The following TTC7B variants were observed in gnomAD, a reference collection of about 807,000 sequenced individuals.
TTC7B encodes tetratricopeptide repeat protein 7B.
A neutral mutation model predicts 106.8 loss-of-function variants in TTC7B; 28 were observed. That is an observed-to-expected ratio of 0.26 (90% confidence interval 0.19 to 0.36). The LOEUF (loss-of-function observed/expected upper bound fraction) is 0.36. Ranked by LOEUF, TTC7B falls within the 10% of genes least tolerant of loss-of-function variation. TTC7B has a pLI of 1.00. For missense variants in TTC7B, 862 were observed against 1,076.4 expected, an observed-to-expected ratio of 0.80 and a Z score of 2.79; for synonymous variants, 405 against 430.6, an observed-to-expected ratio of 0.94 and a Z score of 0.74.
At position 90,618,755 on chromosome 14, in the gene TTC7B, C is replaced by T. The variant is rs1187012574; in HGVS notation, c.1752-710G>A. Among the ~76,000 whole-genome samples the T allele has an allele frequency of 2.6e-5, 4 of 152,250 alleles. No individual in the cohort carries two copies. In the East Asian group the frequency reaches 7.7e-4, roughly 29 times the overall value. On this transcript the variant is annotated intron_variant, in intron 15 of 19. Coordinates refer to ENST00000328459, the MANE Select transcript of TTC7B (RefSeq NM_001010854.2). ...CTTATGTTTCTCTGCCGACATCAGCCTAGGTACCTGTAGACATCAGCTCTC... is the reference window on the plus strand; with the variant it reads ...CTTATGTTTCTCTGCCGACATCAGCTTAGGTACCTGTAGACATCAGCTCTC...
At chr14:90,765,216 T>C (rs1358540120) in intron 3 of TTC7B, among the ~76,000 whole-genome samples, 1 of 152,176 alleles carries the variant, frequency 6.6e-6, no homozygotes, top group Non-Finnish European at 1.5e-5. Flanking sequence ...AAAAGTCAAG[T>C]GCATGATTTC....
intron 17 of TTC7B, among the ~76,000 whole-genome samples, chr14:90,607,511 G>A (rs1892693874): frequency 6.6e-6 from 1 of 152,246 alleles, no homozygotes; most frequent in Non-Finnish European, 1.5e-5. Flanking sequence ...GTTTCACTGG[G>A]AACCATTCTG....
chr14:90,632,891 C>T (rs576885005), intron 15 of TTC7B, among the ~76,000 whole-genome samples: 2 of 152,124 alleles, frequency 1.3e-5, no homozygotes, highest in Non-Finnish European at 2.9e-5. Context: ...TGTCACAATG[C>T]GGGGTATAAA....
intron 19 of TTC7B, among the ~76,000 whole-genome samples, chr14:90,557,509 A>G (rs1890367804): frequency 6.6e-6 from 1 of 152,248 alleles, no homozygotes; most frequent in African/African-American, 2.4e-5. Flanking sequence ...AGCACCTACT[A>G]TATCCTTAGT....
At chr14:90,737,603 G>T (rs1889593589) in intron 4 of TTC7B, among the ~76,000 whole-genome samples, 2 of 142,366 alleles carry the variant, frequency 1.4e-5, no homozygotes, top group Non-Finnish European at 3.0e-5. Flanking sequence ...ACCCAGGCTG[G>T]AGTGCAGTGG....
rs200237824 is a variant in TTC7B, at chr14:90,695,516, G to T, written c.761C>A (p.Thr254Asn). Residue 254 changes from threonine (T) to asparagine (N), a missense_variant, in exon 6 of 20, where the codon ACT becomes AAT. Transcript: ENST00000328459. Reference sequence around the variant, plus strand: ...CACACTTACCATTCGCAGGTTTTGAGTCGTTCTTGTTTCAACTGCTCTGAG... The same window carrying T: ...CACACTTACCATTCGCAGGTTTTGATTCGTTCTTGTTTCAACTGCTCTGAG... The part of the protein sequence containing the change: ...ELLRAVETRT[T>N]QNLRMTIARQ... 1 of 1,596,536 alleles carries T rather than the reference G, an allele frequency of 6.3e-7. No individual in the cohort carries two copies.
chr14:90,800,242 G>A (rs915498597), intron 1 of TTC7B, among the ~76,000 whole-genome samples: 1 of 152,146 alleles, frequency 6.6e-6, no homozygotes, highest in Non-Finnish European at 1.5e-5. Context: ...CAGGTGAGAC[G>A]TGATGGTGAC....
chr14:90,573,386 C>A, intron 19 of TTC7B, among the ~76,000 whole-genome samples: 1 of 151,036 alleles, frequency 6.6e-6, no homozygotes, highest in South Asian at 2.1e-4. Flanking sequence ...GCTCACGGTC[C>A]CTCTCCGGCT....
intron 19 of TTC7B, among the ~76,000 whole-genome samples, chr14:90,549,090 C>T (rs1340320316): frequency 4.0e-5 from 6 of 150,696 alleles, no homozygotes; most frequent in South Asian, 2.1e-4. Context: ...ATCACACCAC[C>T]GCACTACAGC....
intron 19 of TTC7B, among the ~76,000 whole-genome samples, chr14:90,550,374 C>A (rs571930951): frequency 6.6e-6 from 1 of 152,148 alleles, no homozygotes; most frequent in African/African-American, 2.4e-5. Flanking sequence ...ATGTAATTTG[C>A]GTATTTGCTT....
chr14:90,718,027 A>G (rs972801690), intron 5 of TTC7B, among the ~76,000 whole-genome samples: 7 of 152,150 alleles, frequency 4.6e-5, no homozygotes, highest in African/African-American at 1.7e-4. Flanking sequence ...CCCCACACTC[A>G]TGTGTTATTT....
At chr14:90,680,413 A>G in intron 8 of TTC7B, 59 bp downstream of exon 8, 1 of 1,331,474 alleles carries the variant, frequency 7.5e-7, no homozygotes, top group Non-Finnish European at 1.1e-6. Flanking sequence ...GAATGGCTAT[A>G]TCAAAAAAGG....
intron 17 of TTC7B, among the ~76,000 whole-genome samples, chr14:90,609,883 T>C (rs1169451288): frequency 6.6e-6 from 1 of 152,194 alleles, no homozygotes; most frequent in Non-Finnish European, 1.5e-5. Flanking sequence ...AAAATCGAGA[T>C]GTTTCTGAGT....
rs1168229905 is a variant in TTC7B at position 90,527,269 on chromosome 14, A to G, written c.*14099T>C. 2 of 151,722 alleles carry G rather than the reference A, an allele frequency of 1.3e-5. No homozygotes were observed. Among genetic ancestry groups the G allele is most frequent in the Non-Finnish European group, 2.9e-5 (2 of 67,948 alleles). 9.4% of individuals were successfully genotyped at this position (151,722 alleles called of 1,614,324 possible). A position where few individuals can be genotyped will look rare whatever the true frequency, so the allele number is the denominator to read the frequency against. On this transcript the variant is annotated 3_prime_UTR_variant, in exon 20 of 20. Coordinates refer to ENST00000328459, the MANE Select transcript of TTC7B (RefSeq NM_001010854.2). ...CAGGTTTCTCTGTGGTAATGTTACT[A>G]TTTTTCCTATTTCCACATCCTTCTC...
In TTC7B at chr14:90,807,802, G is replaced by C. The variant is rs1455354161; in HGVS notation, c.121+8373C>G. 6.6e-6 allele frequency among the ~76,000 whole-genome samples: 1 copy of C among 152,198 alleles called. No homozygotes were observed. The highest frequency in any genetic ancestry group is 6.5e-5 in the Admixed American group (1 of 15,268). On this transcript the variant is annotated intron_variant, in intron 1 of 19. Transcript: ENST00000328459. This position sits in a 1 kb window ranked among gnomAD's most constrained non-coding sequence, Gnocchi z 4.1. ...TAATCTATAAACTACACTTAGTTTA[G>C]TATTTGGCTCAAAGCATGCTGCATA... is the stretch of plus-strand genomic sequence containing the variant.
chr14:90,590,163 G>A (rs1349643648), intron 18 of TTC7B, among the ~76,000 whole-genome samples: 3 of 152,180 alleles, frequency 2.0e-5, no homozygotes, highest in African/African-American at 4.8e-5. Flanking sequence ...ACCTATGGAA[G>A]GGAGCACCTA....
rs115582468 is a variant in TTC7B at position 90,607,824 on chromosome 14, T to C, written c.1966+2918A>G. 6.2e-3 allele frequency among the ~76,000 whole-genome samples: 945 copies of C among 152,324 alleles called. 14 individuals carry two copies. Among genetic ancestry groups the C allele is most frequent in the Middle Eastern group, 0.031 (9 of 294 alleles). ...GCAAAATGGCAGGTGCTCAAAAGCA[T>C]ACACAGTGTGTGGTTGTTTATGTAA... On this transcript the variant is annotated intron_variant, in intron 17 of 19. Transcript: ENST00000328459.
At position 90,781,019 on chromosome 14, in the gene TTC7B, T is replaced by A. The variant is rs1047109659; in HGVS notation, c.277-113A>T. 4.3e-6 allele frequency: 4 copies of A among 923,316 alleles called. No homozygotes were observed. In the South Asian group the frequency reaches 4.6e-5, roughly 11 times the overall value. The allele number at this position is 923,316 out of a possible 1,614,324, so 57.2% of individuals were successfully genotyped here. A position where few individuals can be genotyped will look rare whatever the true frequency, so the allele number is the denominator to read the frequency against. On this transcript the variant is annotated intron_variant, in intron 2 of 19. Transcript: ENST00000328459. ...ACCCCACAGCTCCCCGCACAAGAGC[T>A]TGGACGTGAATGTTCTGAGCAGTGT...
intron 8 of TTC7B, among the ~76,000 whole-genome samples, chr14:90,677,534 G>A (rs1886887717): frequency 2.0e-5 from 3 of 152,180 alleles, no homozygotes; most frequent in Admixed American, 2.0e-4. Context: ...CTAATAGGAA[G>A]TTCAGAATCA....
Sources: allele counts gnomAD v4.1 joint callset (sites outside exome capture counted in the v4.1 genomes callset), GRCh38; gene constraint gnomAD v4.1.1; non-coding constraint Gnocchi (gnomAD v3.1); transcripts MANE v1.5; gene names NCBI Gene and HGNC (gene_info 2026-07-23, HGNC 2026-07-21).